RETREG3: variants seen among roughly 807,000 people sequenced by gnomAD.
The protein encoded by RETREG3 is reticulophagy regulator family member 3.
Under a neutral mutation model 50.2 loss-of-function variants are expected in RETREG3, and 23 were observed. That is an observed-to-expected ratio of 0.46 (90% confidence interval 0.33 to 0.65). RETREG3 has a LOEUF of 0.65. Ranked by LOEUF, RETREG3 falls within the 30% of genes least tolerant of loss-of-function variation. The pLI is 0.02. For synonymous variants in RETREG3, 240 were observed against 234.4 expected (o/e 1.02, Z -0.22); for missense variants, 546 against 598.0 (o/e 0.91, Z 0.91).
At chr17:42,596,934 G>A in intron 1 of RETREG3, among the ~76,000 whole-genome samples, 1 of 150,282 alleles carries the variant, frequency 6.7e-6, no homozygotes, top group East Asian at 2.0e-4. Flanking sequence ...GTGCAATGGC[G>A]CCATCTTGGC....
chr17:42,604,694 CA>C (rs1007735904), intron 1 of RETREG3, among the ~76,000 whole-genome samples: 85 of 44,518 alleles, frequency 1.9e-3, no homozygotes, highest in South Asian at 4.9e-3. Context: ...GATTCCCCAG[CA>C]AAAAAAAAAA....
At chr17:42,605,759 G>A (rs567308774) in intron 1 of RETREG3, among the ~76,000 whole-genome samples, 4 of 152,206 alleles carry the variant, frequency 2.6e-5, no homozygotes, top group Admixed American at 1.3e-4. Flanking sequence ...TTGGGAGACC[G>A]AGGTGGGTGG....
intron 1 of RETREG3, 77 bp from the exon 2 acceptor site, chr17:42,592,239 G>A: frequency 8.6e-7 from 1 of 1,168,872 alleles, no homozygotes; most frequent in Non-Finnish European, 1.2e-6. Flanking sequence ...TGTGTACGAT[G>A]GGCTCTGTGG....
chr17:42,600,977 A>T (rs1172983985), intron 1 of RETREG3, among the ~76,000 whole-genome samples: 3 of 151,794 alleles, frequency 2.0e-5, no homozygotes, highest in Admixed American at 1.3e-4. Flanking sequence ...ACCTTCTCTC[A>T]AAAAAAACAA....
At chr17:42,601,740 C>A (rs1244924071) in intron 1 of RETREG3, among the ~76,000 whole-genome samples, 8 of 139,578 alleles carry the variant, frequency 5.7e-5, no homozygotes, top group Non-Finnish European at 1.1e-4. Context: ...TCAACGGATT[C>A]TCCTGCCTCA....
At position 42,596,207 on chromosome 17, in the gene RETREG3, T is replaced by TAA. The variant is rs759156702; in HGVS notation, c.240-4047_240-4046dup. On this transcript the variant is annotated intron_variant, in intron 1 of 8. Coordinates refer to ENST00000309428, the MANE Select transcript of RETREG3 (RefSeq NM_178126.4). ...AATATAGTGAGACCCTGTCTCTATT[T>TAA]AAAAAAAAAAAAAAATTAGCCAGGT... 2.4e-4 allele frequency among the ~76,000 whole-genome samples: 33 copies of TAA among 139,682 alleles called. No individual in the cohort carries two copies. The East Asian group carries it at 6.2e-3, about 26-fold the overall frequency. The allele number at this position is 139,682 out of a possible 152,430, so 91.6% of individuals were successfully genotyped here. A position where few individuals can be genotyped will look rare whatever the true frequency, so the allele number is the denominator to read the frequency against.
intron 5 of RETREG3, 99 bp downstream of exon 5, chr17:42,585,954 A>G: frequency 9.2e-7 from 1 of 1,084,274 alleles, no homozygotes; most frequent in Non-Finnish European, 1.4e-6. Flanking sequence ...ATCCTAGAGA[A>G]TTGAAATATA....
chr17:42,604,648 C>G (rs1467617120), intron 1 of RETREG3, among the ~76,000 whole-genome samples: 1 of 124,998 alleles, frequency 8.0e-6, no homozygotes, highest in African/African-American at 3.2e-5. Flanking sequence ...CCAGCCTGGG[C>G]AACAGAGGGA....
intron 1 of RETREG3, among the ~76,000 whole-genome samples, chr17:42,602,374 TTCTCTTTCAATTCA>T (rs913517784): frequency 2.0e-5 from 3 of 151,596 alleles, no homozygotes; most frequent in Non-Finnish European, 4.4e-5. Context: ...TACGATAAAA[TTCTCTTTCAATTCA>T]TCTGCCAGCA....
chr17:42,587,987 T>TA, intron 2 of RETREG3, 123 bp from the exon 3 acceptor site: 1 of 1,059,282 alleles, frequency 9.4e-7, no homozygotes, highest in Non-Finnish European at 1.5e-6. Flanking sequence ...TAATAGCCGA[T>TA]AAAAAAGGAG....
chr17:42,583,222 T>A lies in RETREG3; in HGVS notation c.810+276A>T, dbSNP rs142083156. 6.7e-4 allele frequency among the ~76,000 whole-genome samples: 102 copies of A among 152,330 alleles called. 2 individuals are homozygous for A. Among genetic ancestry groups the A allele is most frequent in the African/African-American group, 2.4e-3 (100 of 41,576 alleles). ...TGGGCTGTTTAAAAGATGATCATAC[T>A]AGCTCCAGAAGTTCTTCCATAATGG... On this transcript the variant is annotated intron_variant, in intron 7 of 8. Coordinates refer to ENST00000309428, the MANE Select transcript of RETREG3 (RefSeq NM_178126.4).
In RETREG3 at chr17:42,580,637, C is replaced by A. The variant is rs1230260458; in HGVS notation, c.*1176G>T. 6.6e-6 allele frequency: 1 copy of A among 152,498 alleles called. No individual in the cohort carries two copies. The highest frequency in any genetic ancestry group is 1.5e-5 in the Non-Finnish European group (1 of 68,032). The allele number at this position is 152,498 out of a possible 1,614,324, so 9.4% of individuals were successfully genotyped here. A position where few individuals can be genotyped will look rare whatever the true frequency, so the allele number is the denominator to read the frequency against. On this transcript the variant is annotated 3_prime_UTR_variant, in exon 9 of 9. Coordinates refer to ENST00000309428, the MANE Select transcript of RETREG3 (RefSeq NM_178126.4). ...TCATATTCACATTTTTTAAATTTCA[C>A]AAGCAATACTTTGGACCACTGGGGT... is the stretch of plus-strand genomic sequence containing the variant.
intron 5 of RETREG3, 67 bp downstream of exon 5, chr17:42,585,986 G>C (rs2093120422): frequency 1.4e-6 from 2 of 1,450,386 alleles, no homozygotes. Flanking sequence ...CCCACACCTA[G>C]AGTTAGCCAT....
In RETREG3 at chr17:42,609,280, C is replaced by T. The variant is rs571133280; in HGVS notation, c.45G>A (p.Ser15=). 39 of 1,604,128 alleles carry T rather than the reference C, an allele frequency of 2.4e-5. No individual in the cohort carries two copies. In the South Asian group the frequency reaches 4.1e-4, roughly 17 times the overall value. The change falls in exon 1 of 9, where the codon TCG becomes TCA. Residue 15 remains serine (S), a synonymous_variant. Coordinates refer to ENST00000309428, the MANE Select transcript of RETREG3 (RefSeq NM_178126.4). ...CTCGGCGGCCCCTGAAAGTCGACCCCGAAGCCGGGCCTGGGGTCGTGGGAA... is the reference window on the plus strand; with the variant it reads ...CTCGGCGGCCCCTGAAAGTCGACCCTGAAGCCGGGCCTGGGGTCGTGGGAA... The part of the protein sequence containing the change: ...EGVPTTPGPA[S]GSTFRGRRDV...
rs139860471 is a variant in RETREG3 at position 42,597,716 on chromosome 17, C to T, written c.240-5554G>A. ...ACAGATCTCCACTCACTTCAACCTC[C>T]GCCTCCAGGGTTCAAGTAATACTCC... On this transcript the variant is annotated intron_variant, in intron 1 of 8. Transcript: ENST00000309428. Among the ~76,000 whole-genome samples the T allele has an allele frequency of 9.0e-3, 1,294 of 143,706 alleles. 18 individuals carry two copies. The highest frequency in any genetic ancestry group is 0.029 in the African/African-American group (1,111 of 38,490). 94.3% of individuals were successfully genotyped at this position (143,706 alleles called of 152,430 possible).
intron 6 of RETREG3, 111 bp from the exon 7 acceptor site, chr17:42,583,691 G>T: frequency 1.1e-6 from 1 of 942,504 alleles, no homozygotes; most frequent in Non-Finnish European, 1.5e-6. Flanking sequence ...TCTGAATCTG[G>T]CTCTAAGCCT....
intron 2 of RETREG3, 47 bp from the exon 3 acceptor site, chr17:42,587,911 A>C: frequency 6.2e-7 from 1 of 1,611,560 alleles, no homozygotes; most frequent in Non-Finnish European, 8.5e-7. Context: ...GGGAAAACTA[A>C]ACATGAAAAT....
chr17:42,606,077 G>A lies in RETREG3; in HGVS notation c.239+3009C>T, dbSNP rs188162419. 4.7e-4 allele frequency among the ~76,000 whole-genome samples: 70 copies of A among 150,250 alleles called. 1 individual carries two copies. Among genetic ancestry groups the A allele is most frequent in the African/African-American group, 1.6e-3 (67 of 40,820 alleles). Reference sequence around the variant, plus strand: ...TTAAAATGTGATGGGACTGTAACAAGAGTAACTGTGTTCTGGATACACAAC... The same window carrying A: ...TTAAAATGTGATGGGACTGTAACAAAAGTAACTGTGTTCTGGATACACAAC... On this transcript the variant is annotated intron_variant, in intron 1 of 8. Coordinates refer to ENST00000309428, the MANE Select transcript of RETREG3 (RefSeq NM_178126.4).
intron 2 of RETREG3, among the ~76,000 whole-genome samples, chr17:42,591,476 G>C (rs992281231): frequency 2.0e-5 from 3 of 152,030 alleles, no homozygotes; most frequent in Non-Finnish European, 4.4e-5. Flanking sequence ...TAGTGGCTGA[G>C]ATTACAGGTA....
Sources: allele counts gnomAD v4.1 joint callset (sites outside exome capture counted in the v4.1 genomes callset), GRCh38; gene constraint gnomAD v4.1.1; transcripts MANE v1.5; gene names NCBI Gene and HGNC (gene_info 2026-07-23, HGNC 2026-07-21).